Variants in GABBR2 observed in about 807,000 individuals in gnomAD.
The protein encoded by GABBR2 is gamma-aminobutyric acid type B receptor subunit 2.
In GABBR2, 23 loss-of-function variants were observed where a neutral mutation model predicts 105.6. The observed-to-expected ratio is 0.22, with a 90% CI of 0.16 to 0.31. The LOEUF (loss-of-function observed/expected upper bound fraction) is 0.31, where lower values mean the gene tolerates loss of function less well. Among genes scored for constraint, GABBR2 ranks in the 10% least tolerant of loss-of-function variants. GABBR2 has a pLI of 1.00. For synonymous variants in GABBR2, 478 were observed against 499.7 expected, an observed-to-expected ratio of 0.96 and a Z score of 0.58; for missense variants, 734 against 1,245.5, an observed-to-expected ratio of 0.59 and a Z score of 6.18.
chr9:98,318,147 T>C (rs2131371601), intron 13 of GABBR2, among the ~76,000 whole-genome samples: 1 of 152,272 alleles, frequency 6.6e-6, no homozygotes, highest in East Asian at 1.9e-4. Context: ...CAGCATGGCT[T>C]CTCACTCGAT....
At chr9:98,571,577 C>T (rs1828830879) in intron 2 of GABBR2, among the ~76,000 whole-genome samples, 1 of 152,098 alleles carries the variant, frequency 6.6e-6, no homozygotes, top group Non-Finnish European at 1.5e-5. Flanking sequence ...CTGATAAATC[C>T]CCTAACCTAG....
At chr9:98,623,829 TA>T (rs1829700564) in intron 1 of GABBR2, among the ~76,000 whole-genome samples, 1 of 152,218 alleles carries the variant, frequency 6.6e-6, no homozygotes, top group African/African-American at 2.4e-5. Context: ...CCATCTGTCC[TA>T]TGTAGAAAGT....
intron 3 of GABBR2, among the ~76,000 whole-genome samples, chr9:98,508,791 C>T (rs1437216895): frequency 6.6e-6 from 1 of 152,010 alleles, no homozygotes; most frequent in Non-Finnish European, 1.5e-5. Flanking sequence ...TGGGTGGAGC[C>T]CACCACAGCT....
At chr9:98,411,104 T>C (rs1038421053) in intron 7 of GABBR2, among the ~76,000 whole-genome samples, 1 of 152,200 alleles carries the variant, frequency 6.6e-6, no homozygotes, top group Non-Finnish European at 1.5e-5. Flanking sequence ...GGAATACAAA[T>C]AAAATCACAG....
At position 98,290,762 on chromosome 9, in the gene GABBR2, A is replaced by G. The variant is rs143123897; in HGVS notation, c.2661-13T>C. On this transcript the variant is annotated splice_polypyrimidine_tract_variant and intron_variant, in intron 18 of 18. Coordinates refer to ENST00000259455, the MANE Select transcript of GABBR2 (RefSeq NM_005458.8). The stretch of plus-strand genomic sequence containing the variant: ...CCGACGCTGGATGCTGAAGAGAAGG[A>G]GAGGGAGGAGTGTTAGTGAAGGGTA... 563 of 1,465,406 alleles carry G rather than the reference A, an allele frequency of 3.8e-4. No individual in the cohort carries two copies. In the African/African-American group the frequency reaches 7.4e-3, roughly 19 times the overall value. The allele number at this position is 1,465,406 out of a possible 1,614,324, so 90.8% of individuals were successfully genotyped here.
intron 13 of GABBR2, among the ~76,000 whole-genome samples, chr9:98,324,340 T>C (rs181574843): frequency 1.1e-4 from 16 of 152,314 alleles, no homozygotes; most frequent in Non-Finnish European, 2.1e-4. Context: ...CGGACAGCCA[T>C]GGGCCTTGCA....
intron 7 of GABBR2, among the ~76,000 whole-genome samples, chr9:98,444,638 T>C (rs1206246585): frequency 6.6e-5 from 10 of 151,800 alleles, no homozygotes; most frequent in Admixed American, 5.3e-4. Context: ...ATTATTATTA[T>C]AGTTGTTGTT....
chr9:98,670,327 A>C (rs1279948313), intron 1 of GABBR2, among the ~76,000 whole-genome samples: 1 of 152,152 alleles, frequency 6.6e-6, no homozygotes, highest in South Asian at 2.1e-4. Context: ...CTACCAAAAA[A>C]GTCCAGAAAA....
chr9:98,607,914 G>A, intron 1 of GABBR2: 1 of 1,441,408 alleles, frequency 6.9e-7, no homozygotes, highest in Non-Finnish European at 9.6e-7. Flanking sequence ...TTGAGATGAA[G>A]GTCAAAGAAA....
intron 6 of GABBR2, among the ~76,000 whole-genome samples, chr9:98,463,923 C>T (rs915681314): frequency 3.3e-5 from 5 of 152,300 alleles, no homozygotes; most frequent in South Asian, 2.1e-4. Flanking sequence ...GATGGAGTCT[C>T]GCTCACTCAA....
chr9:98,539,548 C>A (rs1393340424), intron 3 of GABBR2, among the ~76,000 whole-genome samples: 1 of 152,124 alleles, frequency 6.6e-6, no homozygotes, highest in Non-Finnish European at 1.5e-5. Context: ...TTAGTTTCCC[C>A]TTCTACAAAA....
At chr9:98,538,919 A>AT (rs58340628) in intron 3 of GABBR2, among the ~76,000 whole-genome samples, 11,302 of 152,206 alleles carry the variant, frequency 0.074, 835 homozygotes, top group African/African-American at 0.19. Flanking sequence ...GGGCTGAGAG[A>AT]TTTAAATCAA....
intron 12 of GABBR2, among the ~76,000 whole-genome samples, chr9:98,367,071 C>T (rs1013782850): frequency 2.8e-4 from 43 of 151,776 alleles, no homozygotes; most frequent in African/African-American, 9.5e-4. Context: ...TTAAGTCACA[C>T]GTGTTAATAG....
chr9:98,404,259 G>A (rs549941524), intron 8 of GABBR2, among the ~76,000 whole-genome samples: 16 of 151,262 alleles, frequency 1.1e-4, no homozygotes, highest in Non-Finnish European at 2.2e-4. Context: ...CAATGAAGAA[G>A]TAAAATTTAA....
intron 8 of GABBR2, among the ~76,000 whole-genome samples, chr9:98,404,662 G>A (rs1044798053): frequency 2.6e-5 from 4 of 152,050 alleles, no homozygotes; most frequent in Non-Finnish European, 1.5e-5. Flanking sequence ...CTCAAGGAAT[G>A]CCCAGCCCTG....
intron 13 of GABBR2, among the ~76,000 whole-genome samples, chr9:98,333,918 T>C (rs1265160583): frequency 2.0e-5 from 3 of 152,234 alleles, no homozygotes; most frequent in Non-Finnish European, 4.4e-5. Flanking sequence ...TTTCCTCATC[T>C]GTAGACTGGG....
chr9:98,655,040 A>G (rs1324542152), intron 1 of GABBR2, among the ~76,000 whole-genome samples: 2 of 152,354 alleles, frequency 1.3e-5, no homozygotes, highest in African/African-American at 2.4e-5. Flanking sequence ...CATTCTGGAA[A>G]AGGCAAAACT....
chr9:98,501,133 C>G (rs1332566159), intron 3 of GABBR2, among the ~76,000 whole-genome samples: 5 of 144,524 alleles, frequency 3.5e-5, no homozygotes, highest in South Asian at 2.3e-4. Flanking sequence ...CTGCCCCCCC[C>G]CCTTCCCCGC....
chr9:98,408,701 A>G (rs1232039926), intron 7 of GABBR2, among the ~76,000 whole-genome samples: 1 of 152,256 alleles, frequency 6.6e-6, no homozygotes, highest in Non-Finnish European at 1.5e-5. Context: ...GGGATAGCAG[A>G]AACAAGTCCT....
Sources: allele counts gnomAD v4.1 joint callset (sites outside exome capture counted in the v4.1 genomes callset), GRCh38; gene constraint gnomAD v4.1.1; transcripts MANE v1.5; gene names NCBI Gene and HGNC (gene_info 2026-07-23, HGNC 2026-07-21).